Variants in AATK observed in about 807,000 individuals in gnomAD.
AATK encodes lemur tail kinase 1.
Under a neutral mutation model 114.3 loss-of-function variants are expected in AATK, and 91 were observed. The ratio of observed to expected loss-of-function variants is 0.80; its 90% confidence interval spans 0.67 to 0.95. The LOEUF (loss-of-function observed/expected upper bound fraction) is 0.95. Among genes scored for constraint, AATK ranks in the 40% least tolerant of loss-of-function variants. The pLI is 0.00. For missense variants in AATK, 2,176 were observed against 1,965.2 expected (o/e 1.11, Z -2.03); for synonymous variants, 1,075 against 916.5 (o/e 1.17, Z -3.12).
At chr17:81,127,537 C>A in intron 6 of AATK, 46 bp downstream of exon 6, 3 of 1,542,342 alleles carry the variant, frequency 1.9e-6, no homozygotes, top group Non-Finnish European at 8.8e-7. Context: ...CAAGGGAGGG[C>A]CCCGGCTCAG....
At chr17:81,160,385 G>A (rs2089344) in intron 1 of AATK, 216,544 of 326,188 alleles carry the variant, frequency 0.66, 74,255 homozygotes, top group Admixed American at 0.72. Context: ...CTGGAGACCC[G>A]GCGAGGACGC....
Position 81,127,818 on chromosome 17 carries a change from C to T in AATK, c.507G>A (p.Gln169=), listed in dbSNP as rs1312655210. Residue 169 remains glutamine (Q), a synonymous_variant, in exon 5 of 14, where the codon CAG becomes CAA. Transcript: ENST00000326724. The stretch of plus-strand genomic sequence containing the variant: ...TGTAGGGCTGCACCTCCTCCAGGAA[C>T]TGCATCTGCTCCTGCACGCTGGCAC... ...QASASVQEQM[Q]FLEEVQPYRA... The T allele has an allele frequency of 6.5e-7, 1 of 1,527,870 alleles. No individual in the cohort carries two copies. Among genetic ancestry groups the T allele is most frequent in the South Asian group, 1.2e-5 (1 of 83,470 alleles). 94.6% of individuals were successfully genotyped at this position (1,527,870 alleles called of 1,614,324 possible).
intron 1 of AATK, among the ~76,000 whole-genome samples, chr17:81,142,299 A>C: frequency 7.0e-6 from 1 of 142,798 alleles, no homozygotes; most frequent in African/African-American, 2.6e-5. Flanking sequence ...TTGAGACAGA[A>C]TCTTGCTCTG....
Position 81,131,216 on chromosome 17 carries a change from G to C in AATK, c.190-11C>G, listed in dbSNP as rs899332996. 5.1e-6 allele frequency: 8 copies of C among 1,565,966 alleles called. No individual in the cohort carries two copies. In the African/African-American group the frequency reaches 1.1e-4, roughly 21 times the overall value. On this transcript the variant is annotated splice_polypyrimidine_tract_variant and intron_variant, in intron 2 of 13. Transcript: ENST00000326724. ...CGCATTCTCAAACTCCTGCGGGCCG[G>C]GCCGGGCATGAGCGGGGCTTCTCGC...
chr17:81,150,415 CT>C (rs1224189152), intron 1 of AATK, among the ~76,000 whole-genome samples: 2 of 145,840 alleles, frequency 1.4e-5, no homozygotes, highest in African/African-American at 2.6e-5. Context: ...AGGGCTCCCC[CT>C]GATCCCAATG....
Position 81,120,719 on chromosome 17 carries a change from G to T in AATK, c.3217C>A (p.Pro1073Thr). Residue 1073 changes from proline (P) to threonine (T), a missense_variant, in exon 11 of 14, where the codon CCC (proline) becomes ACC (threonine). By Grantham distance (38) the Pro-to-Thr change is conservative. Transcript: ENST00000326724. ...EGSSPEPSTC[P>T]SGLVPEPPEP... is the part of the protein sequence containing the mutation. ...GGAGGCTCTGGGACCAGGCCCGAGG[G>T]GCAGGTGCTGGGCTCTGGGGAGGAC... is the stretch of plus-strand genomic sequence containing the variant. 3 of 1,553,212 alleles carry T rather than the reference G, an allele frequency of 1.9e-6. No homozygotes were observed. Among genetic ancestry groups the T allele is most frequent in the Non-Finnish European group, 2.6e-6 (3 of 1,147,920 alleles).
chr17:81,150,720 C>T (rs375819816), intron 1 of AATK, among the ~76,000 whole-genome samples: 7 of 152,320 alleles, frequency 4.6e-5, no homozygotes, highest in South Asian at 4.1e-4. Context: ...AGGCTGGAAG[C>T]GGGCTCTGGC....
intron 9 of AATK, among the ~76,000 whole-genome samples, chr17:81,123,957 G>A (rs575265315): frequency 1.3e-5 from 2 of 152,326 alleles, no homozygotes; most frequent in South Asian, 4.1e-4. Flanking sequence ...ACCTTGGCCA[G>A]AGCCCTGTGA....
chr17:81,146,727 T>C (rs7211580), intron 1 of AATK, among the ~76,000 whole-genome samples: 72,010 of 151,276 alleles, frequency 0.48, 17,480 homozygotes, highest in African/African-American at 0.52. Context: ...TCAAAACAAA[T>C]AACAACAAAA....
At chr17:81,150,557 C>T (rs1051909737) in intron 1 of AATK, among the ~76,000 whole-genome samples, 3 of 152,084 alleles carry the variant, frequency 2.0e-5, no homozygotes, top group Non-Finnish European at 4.4e-5. Context: ...GGACTGTCTC[C>T]ACAACAGGCT....
At chr17:81,138,526 G>A (rs1423172252) in intron 1 of AATK, among the ~76,000 whole-genome samples, 3 of 132,900 alleles carry the variant, frequency 2.3e-5, no homozygotes, top group South Asian at 2.5e-4. Context: ...ACCCACACAC[G>A]TGCACATACA....
intron 3 of AATK, among the ~76,000 whole-genome samples, chr17:81,130,630 A>C (rs546564534): frequency 2.0e-4 from 30 of 152,254 alleles, no homozygotes; most frequent in African/African-American, 7.2e-4. Context: ...TCAAGGGGGC[A>C]GGAATCTGGG....
intron 1 of AATK, among the ~76,000 whole-genome samples, chr17:81,138,069 C>T (rs111211144): frequency 1.8e-4 from 27 of 150,856 alleles, no homozygotes; most frequent in Admixed American, 9.2e-4. Context: ...CCCGTGCACC[C>T]GGACCCACAC....
rs2060927846 is a variant in AATK, at chr17:81,131,322, G to T, written c.190-117C>A. The T allele has an allele frequency of 8.1e-6, 11 of 1,360,794 alleles. No individual in the cohort carries two copies. The South Asian group carries it at 1.7e-4, about 21-fold the overall frequency. 84.3% of individuals were successfully genotyped at this position (1,360,794 alleles called of 1,614,324 possible). A position where few individuals can be genotyped will look rare whatever the true frequency, so the allele number is the denominator to read the frequency against. On this transcript the variant is annotated intron_variant, in intron 2 of 13. Coordinates refer to ENST00000326724, the MANE Select transcript of AATK (RefSeq NM_001080395.3). The stretch of plus-strand genomic sequence containing the variant: ...CTCCCAGGGCAGGGCAGGAGGGGGT[G>T]CTCGGCCCAGAGTTGGAGCCACCGC...
Position 81,128,103 on chromosome 17 carries a change from G to A in AATK, c.415-193C>T, listed in dbSNP as rs2060873518. Among the ~76,000 whole-genome samples, 4 of 152,010 alleles carry A rather than the reference G, an allele frequency of 2.6e-5. 1 individual carries two copies. The highest frequency in any genetic ancestry group is 7.3e-5 in the African/African-American group (3 of 41,328). On this transcript the variant is annotated intron_variant, in intron 4 of 13. Transcript: ENST00000326724. ...GGCAACCCTCTGGCTGTAATATTCT[G>A]AGTCTTTCGTGTTACTCTCCCCACA... is the stretch of plus-strand genomic sequence containing the variant.
At position 81,165,535 on chromosome 17, in the gene AATK, C is replaced by T. The variant is rs765100720; in HGVS notation, c.55+403G>A. 5.8e-6 allele frequency: 5 copies of T among 867,522 alleles called. No individual in the cohort carries two copies. The South Asian group carries it at 7.3e-5, about 13-fold the overall frequency. The allele number at this position is 867,522 out of a possible 1,614,324, so 53.7% of individuals were successfully genotyped here. A position where few individuals can be genotyped will look rare whatever the true frequency, so the allele number is the denominator to read the frequency against. ...TCGCTCCCAGCCTGGGAAGAAGCCT[C>T]CCACGCCAGGGCCCCGGACCCAGGA... On this transcript the variant is annotated intron_variant, in intron 1 of 13. Coordinates refer to ENST00000326724, the MANE Select transcript of AATK (RefSeq NM_001080395.3).
chr17:81,121,513 G>A lies in AATK; in HGVS notation c.2423C>T (p.Pro808Leu). The A allele has an allele frequency of 1.3e-6, 2 of 1,548,818 alleles. No homozygotes were observed. Among genetic ancestry groups the A allele is most frequent in the Non-Finnish European group, 8.7e-7 (1 of 1,145,272 alleles). ...SVPSPSQEGAPLPSEEASAPD... is the reference protein window; with the variant it reads ...SVPSPSQEGALLPSEEASAPD... ...GGCACTGGCCTCCTCCGAGGGAAGT[G>A]GGGCTCCCTCCTGGGATGGGGAGGG... Residue 808 changes from proline to leucine, a missense_variant, in exon 11 of 14, where the codon CCA becomes CTA. By Grantham distance (98) the Pro-to-Leu change is moderately conservative (BLOSUM62 -3). Coordinates refer to ENST00000326724, the MANE Select transcript of AATK (RefSeq NM_001080395.3).
chr17:81,137,642 G>C (rs545100981), intron 1 of AATK, among the ~76,000 whole-genome samples: 2 of 152,226 alleles, frequency 1.3e-5, no homozygotes, highest in South Asian at 4.1e-4. Flanking sequence ...CATGACACTT[G>C]TTGTAACAAT....
chr17:81,127,558 A>G, intron 6 of AATK, 25 bp downstream of exon 6: 2 of 1,575,244 alleles, frequency 1.3e-6, no homozygotes, highest in Admixed American at 1.8e-5. Flanking sequence ...CAAAGACCCC[A>G]GCATCCCCCC....
Sources: gnomAD v4.1 joint callset for allele counts (sites outside exome capture counted in the v4.1 genomes callset) on GRCh38, gnomAD v4.1.1 for gene constraint, MANE v1.5 for transcripts, NCBI Gene and HGNC (gene_info 2026-07-23, HGNC 2026-07-21) for gene names.